Variants in EML4 observed in about 807,000 individuals in gnomAD.
EML4 encodes echinoderm microtubule-associated protein-like 4.
EML4 carries 72 observed loss-of-function variants against 129.0 expected under a neutral mutation model. The observed-to-expected ratio is 0.56, with a 90% CI of 0.46 to 0.68. The LOEUF (loss-of-function observed/expected upper bound fraction) is 0.68, where lower values mean the gene tolerates loss of function less well. Among genes scored for constraint, EML4 ranks in the 30% least tolerant of loss-of-function variants. EML4 has a pLI of 0.00. For synonymous variants in EML4, 532 were observed against 405.0 expected (o/e 1.31, Z -3.77); for missense variants, 1,363 against 1,190.6 (o/e 1.14, Z -2.13).
At chr2:42,250,818 A>G (rs765605262) in intron 2 of EML4, among the ~76,000 whole-genome samples, 2 of 152,126 alleles carry the variant, frequency 1.3e-5, no homozygotes, top group Non-Finnish European at 2.9e-5. Flanking sequence ...TATATAATGA[A>G]ATAATTATAC....
intron 1 of EML4, among the ~76,000 whole-genome samples, chr2:42,190,092 TAAAAG>T (rs944559089): frequency 3.9e-5 from 6 of 152,178 alleles, no homozygotes; most frequent in African/African-American, 7.2e-5. Flanking sequence ...CAAGATTTGT[TAAAAG>T]AAAGCAGAAA....
At chr2:42,308,245 G>C (rs898106212) in intron 17 of EML4, among the ~76,000 whole-genome samples, 1 of 152,328 alleles carries the variant, frequency 6.6e-6, no homozygotes, top group African/African-American at 2.4e-5. Flanking sequence ...GCTCATGCCT[G>C]TAATCCCATC....
intron 13 of EML4, among the ~76,000 whole-genome samples, chr2:42,295,966 G>C (rs1667924223): frequency 6.6e-6 from 1 of 151,858 alleles, no homozygotes; most frequent in African/African-American, 2.4e-5. Context: ...TTAGTGTAGG[G>C]GTCCTTGGCA....
At chr2:42,200,437 T>G (rs1184319907) in intron 1 of EML4, among the ~76,000 whole-genome samples, 1 of 152,238 alleles carries the variant, frequency 6.6e-6, no homozygotes. Flanking sequence ...GCAGTCTTTT[T>G]TGAATTTGGC....
intron 1 of EML4, among the ~76,000 whole-genome samples, chr2:42,223,020 C>G (rs539539145): frequency 6.6e-5 from 10 of 152,058 alleles, no homozygotes; most frequent in African/African-American, 2.4e-4. Flanking sequence ...AGGATGGTCT[C>G]GATCTCCTGA....
At position 42,326,234 on chromosome 2, in the gene EML4, C is replaced by G. The variant is rs756774113; in HGVS notation, c.2323C>G (p.Leu775Val). The G allele has an allele frequency of 6.2e-7, 1 of 1,611,126 alleles. No homozygotes were observed. The highest frequency in any genetic ancestry group is 8.5e-7 in the Non-Finnish European group (1 of 1,178,340). ...TGATTGGACGACATATACCTGTGTGCTAGGATTTCAAGTATTTGGTAAGGA... is the reference window on the plus strand; with the variant it reads ...TGATTGGACGACATATACCTGTGTGGTAGGATTTCAAGTATTTGGTAAGGA... The part of the protein sequence containing the change: ...DIDWTTYTCV[L>V]GFQVFGVWPE... Residue 775 changes from leucine to valine, a missense_variant, in exon 21 of 23, where the codon CTA (leucine) becomes GTA (valine). Physicochemically the swap from Leu to Val is conservative, Grantham distance 32 (BLOSUM62 1). Coordinates refer to ENST00000318522, the MANE Select transcript of EML4 (RefSeq NM_019063.5).
chr2:42,225,473 G>A (rs558896042), intron 1 of EML4, among the ~76,000 whole-genome samples: 1 of 152,158 alleles, frequency 6.6e-6, no homozygotes, highest in East Asian at 1.9e-4. Flanking sequence ...CCTACTTCTG[G>A]ATTGCTGGAT....
intron 17 of EML4, among the ~76,000 whole-genome samples, chr2:42,313,379 A>G (rs890443000): frequency 1.3e-5 from 2 of 152,208 alleles, no homozygotes; most frequent in African/African-American, 2.4e-5. Flanking sequence ...ACCATGGGCC[A>G]TGGTCACTCA....
Position 42,301,393 on chromosome 2 carries a change from G to T in EML4, c.1641+1G>T. The T allele has an allele frequency of 6.2e-7, 1 of 1,607,278 alleles. No homozygotes were observed. The highest frequency in any genetic ancestry group is 8.5e-7 in the Non-Finnish European group (1 of 1,177,120). On this transcript the variant is annotated splice_donor_variant, in intron 14 of 22. Transcript: ENST00000318522. LOFTEE classifies it high-confidence loss of function. Reference sequence around the variant, plus strand: ...TCTGAATCCTGAAAGAGAAATAGAGGTAAGGATGGAAACGGAATATAAAAA... The same window carrying T: ...TCTGAATCCTGAAAGAGAAATAGAGTTAAGGATGGAAACGGAATATAAAAA...
At chr2:42,251,000 A>G (rs6751840) in intron 2 of EML4, among the ~76,000 whole-genome samples, 3,489 of 152,206 alleles carry the variant, frequency 0.023, 121 homozygotes, top group African/African-American at 0.08. Flanking sequence ...TTGTGCTCCT[A>G]TGAGAATCTA....
intron 6 of EML4, among the ~76,000 whole-genome samples, chr2:42,278,178 C>T (rs779965296): frequency 1.3e-5 from 2 of 152,126 alleles, no homozygotes; most frequent in Non-Finnish European, 2.9e-5. Context: ...TTCACAATCA[C>T]CATCAATATT....
intron 10 of EML4, 23 bp downstream of exon 10, chr2:42,286,402 G>T: frequency 7.2e-7 from 1 of 1,390,704 alleles, no homozygotes; most frequent in Non-Finnish European, 1.0e-6. Flanking sequence ...TTTTAGAGAA[G>T]TAAGCAAGCT....
At chr2:42,268,387 G>C (rs1297848829) in intron 6 of EML4, among the ~76,000 whole-genome samples, 2 of 152,066 alleles carry the variant, frequency 1.3e-5, no homozygotes, top group African/African-American at 2.4e-5. Context: ...GGAGATCCTA[G>C]AACCAGTGTC....
At chr2:42,210,948 T>C (rs143295363) in intron 1 of EML4, among the ~76,000 whole-genome samples, 5 of 152,340 alleles carry the variant, frequency 3.3e-5, no homozygotes, top group African/African-American at 1.2e-4. Context: ...ATTGGTTATG[T>C]TTAAATATTA....
At chr2:42,308,301 T>G (rs960100124) in intron 17 of EML4, among the ~76,000 whole-genome samples, 1 of 151,836 alleles carries the variant, frequency 6.6e-6, no homozygotes, top group Non-Finnish European at 1.5e-5. Context: ...AGCCCAGGAG[T>G]TTGAAACCAG....
At chr2:42,296,475 A>T (rs71441189) in intron 13 of EML4, among the ~76,000 whole-genome samples, 35,373 of 134,164 alleles carry the variant, frequency 0.26, 4,535 homozygotes, top group East Asian at 0.56. Context: ...AACACCTTAT[A>T]CTTCTCTCTC....
At chr2:42,200,783 G>T (rs539718040) in intron 1 of EML4, among the ~76,000 whole-genome samples, 1 of 152,278 alleles carries the variant, frequency 6.6e-6, no homozygotes, top group African/African-American at 2.4e-5. Context: ...GTCTTGGCAT[G>T]CCTTCTATTG....
chr2:42,325,075 G>C (rs189357090), intron 19 of EML4: 15 of 378,634 alleles, frequency 4.0e-5, no homozygotes, highest in Non-Finnish European at 6.5e-5. Flanking sequence ...CTGTATTCCT[G>C]ATGCCTTATG....
intron 6 of EML4, among the ~76,000 whole-genome samples, chr2:42,277,208 A>T (rs1004206529): frequency 7.9e-5 from 12 of 152,354 alleles, no homozygotes; most frequent in African/African-American, 2.9e-4. Flanking sequence ...TAAATTCCAA[A>T]GGATGAGATA....
Sources: allele counts gnomAD v4.1 joint callset (sites outside exome capture counted in the v4.1 genomes callset), GRCh38; gene constraint gnomAD v4.1.1; transcripts MANE v1.5; gene names NCBI Gene and HGNC (gene_info 2026-07-23, HGNC 2026-07-21).